The following KNTC1 variants were observed in gnomAD, a reference collection of about 807,000 sequenced individuals.
The protein encoded by KNTC1 is kinetochore associated 1.
A neutral mutation model predicts 314.4 loss-of-function variants in KNTC1; 253 were observed. The observed-to-expected ratio is 0.80, with a 90% CI of 0.73 to 0.89. KNTC1 has a LOEUF of 0.89. Ranked by LOEUF, KNTC1 falls within the 40% of genes least tolerant of loss-of-function variation. The probability of loss-of-function intolerance (pLI) is 0.00; values close to 1 mark genes in which losing one functional copy is unlikely to be tolerated. For synonymous variants in KNTC1, 901 were observed against 901.4 expected (o/e 1.00, Z 0.01); for missense variants, 2,475 against 2,572.9 (o/e 0.96, Z 0.82).
Position 122,605,008 on chromosome 12 carries a change from A to G in KNTC1, c.5307A>G (p.Pro1769=). 2.5e-6 allele frequency: 4 copies of G among 1,613,408 alleles called. No homozygotes were observed. In the South Asian group the frequency reaches 4.4e-5, roughly 18 times the overall value. The change falls in exon 50 of 64, where the codon CCA becomes CCG. Residue 1769 remains proline (P), a synonymous_variant. Coordinates refer to ENST00000333479, the MANE Select transcript of KNTC1 (RefSeq NM_014708.6). ...AATATTTAAGAGTGATCGGAAAGCC[A>G]GCACATCTTATTGTCAGTCTCTACG... ...TEEYLRVIGK[P]AHLIVSLYEH...
rs770218433 is a variant in KNTC1, at chr12:122,577,697, A to C, written c.2747A>C (p.Lys916Thr). Residue 916 changes from lysine to threonine, a missense_variant, in exon 31 of 64, where the codon AAG becomes ACG. By Grantham distance (78) the Lys-to-Thr change is moderately conservative. Coordinates refer to ENST00000333479, the MANE Select transcript of KNTC1 (RefSeq NM_014708.6). The stretch of plus-strand genomic sequence containing the variant: ...GGTGAAGACTGTCTCCTTCTGTTGA[A>C]GTCTTTGCCTCCTGCTGAAGCTGAG... Reference protein sequence around the residue: ...EQGEDCLLLLKSLPPAEAEKT... With the variant: ...EQGEDCLLLLTSLPPAEAEKT... 2.5e-6 allele frequency: 4 copies of C among 1,613,582 alleles called. No individual in the cohort carries two copies. In the African/African-American group the frequency reaches 5.3e-5, roughly 22 times the overall value.
In KNTC1 at chr12:122,535,249, C is replaced by T. The variant is rs946163166; in HGVS notation, c.250+465C>T. Among the ~76,000 whole-genome samples the T allele has an allele frequency of 5.9e-5, 9 of 152,280 alleles. No individual in the cohort carries two copies. In the South Asian group the frequency reaches 1.4e-3, roughly 25 times the overall value. The stretch of plus-strand genomic sequence containing the variant: ...GATTTGAGAGTGAATTAAAGCTGGG[C>T]GTGGTGGCTCATGCCTGCAATCCCA... On this transcript the variant is annotated intron_variant, in intron 3 of 63. Coordinates refer to ENST00000333479, the MANE Select transcript of KNTC1 (RefSeq NM_014708.6).
intron 61 of KNTC1, among the ~76,000 whole-genome samples, chr12:122,622,209 ATCT>A (rs1051076418): frequency 1.1e-4 from 16 of 152,304 alleles, no homozygotes; most frequent in Non-Finnish European, 1.9e-4. Context: ...TTGAAAACAG[ATCT>A]TCTTCCTCAT....
At chr12:122,541,318 TTCCTTCCG>T (rs1198101986) in intron 5 of KNTC1, among the ~76,000 whole-genome samples, 5,447 of 145,448 alleles carry the variant, frequency 0.037, 466 homozygotes, top group African/African-American at 0.13. Context: ...CCTTCCTTCC[TTCCTTCCG>T]TCCTTCCTCT....
chr12:122,537,070 A>AGTTC (rs1322060458), intron 3 of KNTC1, among the ~76,000 whole-genome samples: 1 of 152,138 alleles, frequency 6.6e-6, no homozygotes, highest in Admixed American at 6.6e-5. Flanking sequence ...GAATAACTTG[A>AGTTC]GTTCGTAAGC....
chr12:122,621,959 T>A lies in KNTC1; in HGVS notation c.6358T>A (p.Phe2120Ile). The A allele has an allele frequency of 6.2e-7, 1 of 1,605,192 alleles. No homozygotes were observed. The highest frequency in any genetic ancestry group is 1.1e-5 in the South Asian group (1 of 89,282). The change falls in exon 61 of 64, where the codon TTT (phenylalanine) becomes ATT (isoleucine). Residue 2120 changes from phenylalanine to isoleucine, a missense_variant. Phe to Ile is a conservative substitution (Grantham distance 21, BLOSUM62 0). Transcript: ENST00000333479. ...TATGAACACGGGCCAGCTAGCAGGA[T>A]TTTCACATCAAGTAAGAGGCGATTT... is the stretch of plus-strand genomic sequence containing the variant. ...EHMNTGQLAG[F>I]SHQIRSLILN...
At chr12:122,598,336 T>C (rs1871338708) in intron 44 of KNTC1, among the ~76,000 whole-genome samples, 1 of 152,142 alleles carries the variant, frequency 6.6e-6, no homozygotes, top group Non-Finnish European at 1.5e-5. Flanking sequence ...TATATGTCAT[T>C]ACATACACAT....
chr12:122,618,259 A>G, intron 57 of KNTC1, 84 bp from the exon 58 acceptor site: 1 of 1,198,322 alleles, frequency 8.3e-7, no homozygotes, highest in Non-Finnish European at 1.2e-6. Flanking sequence ...GGTGTGAGCC[A>G]CCGCGCCTGG....
intron 27 of KNTC1, among the ~76,000 whole-genome samples, chr12:122,574,932 TA>T (rs1964919038): frequency 6.6e-6 from 1 of 152,174 alleles, no homozygotes; most frequent in African/African-American, 2.4e-5. Flanking sequence ...ATTGCCACTA[TA>T]AAATAGAAAT....
chr12:122,528,911 C>T (rs913740727), intron 1 of KNTC1, among the ~76,000 whole-genome samples: 2 of 152,110 alleles, frequency 1.3e-5, no homozygotes, highest in African/African-American at 2.4e-5. Context: ...GGCACGATCT[C>T]GACTTACTGC....
chr12:122,557,021 G>A (rs1425319592), intron 16 of KNTC1, among the ~76,000 whole-genome samples: 1 of 150,824 alleles, frequency 6.6e-6, no homozygotes, highest in Non-Finnish European at 1.5e-5. Context: ...CTCCTGAGCA[G>A]GCTGGCACTA....
At chr12:122,548,114 C>CT in intron 12 of KNTC1, 145 bp downstream of exon 12, 1 of 522,640 alleles carries the variant, frequency 1.9e-6, no homozygotes, top group Non-Finnish European at 3.3e-6. Context: ...CTGCAGAACT[C>CT]TTTTTAAAGT....
At chr12:122,573,718 C>A (rs939243165) in intron 26 of KNTC1, among the ~76,000 whole-genome samples, 4 of 152,138 alleles carry the variant, frequency 2.6e-5, no homozygotes. Flanking sequence ...AGACTCCAAG[C>A]GAGAGGGAGC....
rs777295052 is a variant in KNTC1, at chr12:122,616,387, T to C, written c.6030+861T>C. ...ACGCTATTCTCCTGCCTCAGCCTCC[T>C]GAGTAGCTGGGACTACAGGCGCATG... On this transcript the variant is annotated intron_variant, in intron 57 of 63. Coordinates refer to ENST00000333479, the MANE Select transcript of KNTC1 (RefSeq NM_014708.6). Among the ~76,000 whole-genome samples, 4 of 152,068 alleles carry C rather than the reference T, an allele frequency of 2.6e-5. No individual in the cohort carries two copies. In the South Asian group the frequency reaches 8.3e-4, roughly 32 times the overall value.
chr12:122,614,581 A>G (rs1243777351), intron 55 of KNTC1, among the ~76,000 whole-genome samples: 7 of 152,020 alleles, frequency 4.6e-5, no homozygotes, highest in African/African-American at 1.4e-4. Flanking sequence ...ACATTCACAG[A>G]TTAGAAGCAT....
chr12:122,533,424 G>A (rs1961536457), intron 2 of KNTC1, among the ~76,000 whole-genome samples: 1 of 152,128 alleles, frequency 6.6e-6, no homozygotes, highest in Admixed American at 6.6e-5. Flanking sequence ...GCTGGGCGCA[G>A]TGCCTCACAT....
chr12:122,541,208 A>C (rs1593491913), intron 5 of KNTC1, among the ~76,000 whole-genome samples: 1 of 151,842 alleles, frequency 6.6e-6, no homozygotes, highest in African/African-American at 2.4e-5. Context: ...ACAAAAAAAA[A>C]ACCTTCAAAT....
chr12:122,579,845 AC>A (rs1965284568), intron 31 of KNTC1, 59 bp from the exon 32 acceptor site: 1 of 1,106,750 alleles, frequency 9.0e-7, no homozygotes, highest in Non-Finnish European at 1.3e-6. Context: ...TTGTATATGT[AC>A]TACTGAAGTG....
chr12:122,619,446 T>C (rs1874165388), intron 59 of KNTC1, among the ~76,000 whole-genome samples: 1 of 151,978 alleles, frequency 6.6e-6, no homozygotes, highest in Non-Finnish European at 1.5e-5. Context: ...GGAGTCTTGC[T>C]CTGTCACCCA....
Sources: gnomAD v4.1 joint callset for allele counts (sites outside exome capture counted in the v4.1 genomes callset) on GRCh38, gnomAD v4.1.1 for gene constraint, MANE v1.5 for transcripts, NCBI Gene and HGNC (gene_info 2026-07-23, HGNC 2026-07-21) for gene names.